The following PDE1C variants were observed in gnomAD, a reference collection of about 807,000 sequenced individuals.
PDE1C encodes dual specificity calcium/calmodulin-dependent 3',5'-cyclic nucleotide phosphodiesterase 1C.
A neutral mutation model predicts 93.1 loss-of-function variants in PDE1C; 62 were observed. The ratio of observed to expected loss-of-function variants is 0.67; its 90% confidence interval spans 0.54 to 0.82. The LOEUF (loss-of-function observed/expected upper bound fraction) is 0.82, where lower values mean the gene tolerates loss of function less well. PDE1C is among the 40% of genes least tolerant of loss of function. The probability of loss-of-function intolerance (pLI) is 0.00; values close to 1 mark genes in which losing one functional copy is unlikely to be tolerated. For synonymous variants in PDE1C, 325 were observed against 310.1 expected, an observed-to-expected ratio of 1.05 and a Z score of -0.50; for missense variants, 742 against 884.6, an observed-to-expected ratio of 0.84 and a Z score of 2.04.
chr7:31,840,195 C>T (rs986061084), intron 9 of PDE1C, among the ~76,000 whole-genome samples: 8 of 152,090 alleles, frequency 5.3e-5, no homozygotes, highest in African/African-American at 1.4e-4. Flanking sequence ...GTTATCTCAT[C>T]TTGGTTTTAA....
At chr7:32,185,357 G>A (rs1329273972) in intron 2 of PDE1C, among the ~76,000 whole-genome samples, 1 of 151,548 alleles carries the variant, frequency 6.6e-6, no homozygotes, top group Non-Finnish European at 1.5e-5. Flanking sequence ...CAGATTTGCA[G>A]TGCCAGTAAT....
intron 3 of PDE1C, among the ~76,000 whole-genome samples, chr7:32,113,137 G>A (rs1186446396): frequency 6.8e-6 from 1 of 147,858 alleles, no homozygotes; most frequent in Non-Finnish European, 1.5e-5. Flanking sequence ...GAAATGGGTT[G>A]ACTAAGATGC....
chr7:32,168,996 G>A (rs1359168615), intron 3 of PDE1C, among the ~76,000 whole-genome samples: 1 of 152,150 alleles, frequency 6.6e-6, no homozygotes, highest in Admixed American at 6.6e-5. Context: ...AAAGAAAAGT[G>A]GAAGAAGTAA....
chr7:31,620,723 G>A, the PDE1C span, among the ~76,000 whole-genome samples: 63 of 152,208 alleles, frequency 4.1e-4, no homozygotes, highest in Non-Finnish European at 6.5e-4. Context: ...CCAAAGGAAC[G>A]CAGTTCCTCA....
chr7:32,362,832 G>A (rs1373368318), intron 1 of PDE1C, among the ~76,000 whole-genome samples: 2 of 152,218 alleles, frequency 1.3e-5, no homozygotes, highest in Admixed American at 1.3e-4. Flanking sequence ...CTCCAAAGGT[G>A]AAAGATGAAC....
chr7:32,323,454 C>T (rs970828962), intron 1 of PDE1C, among the ~76,000 whole-genome samples: 7 of 152,158 alleles, frequency 4.6e-5, no homozygotes, highest in African/African-American at 1.7e-4. Flanking sequence ...GAATCAGAAA[C>T]TGAAGGAGCC....
intron 1 of PDE1C, among the ~76,000 whole-genome samples, chr7:32,306,251 G>A (rs570120780): frequency 6.6e-6 from 1 of 151,952 alleles, no homozygotes; most frequent in Non-Finnish European, 1.5e-5. Flanking sequence ...CATGAAAACG[G>A]GCTAATACCG....
chr7:32,294,413 G>A (rs1812513456), intron 1 of PDE1C, among the ~76,000 whole-genome samples: 3 of 152,142 alleles, frequency 2.0e-5, no homozygotes, highest in Admixed American at 2.0e-4. Context: ...ACATCCCTCT[G>A]AGTCTCTGGT....
intron 2 of PDE1C, among the ~76,000 whole-genome samples, chr7:31,957,434 T>A (rs1234227476): frequency 3.3e-5 from 5 of 152,068 alleles, no homozygotes; most frequent in Non-Finnish European, 7.3e-5. Flanking sequence ...GGATTATCTA[T>A]CACCTGTAGA....
At chr7:31,923,594 T>A (rs1238378110) in intron 2 of PDE1C, among the ~76,000 whole-genome samples, 1 of 152,090 alleles carries the variant, frequency 6.6e-6, no homozygotes, top group African/African-American at 2.4e-5. Context: ...ATTGGAAATA[T>A]TTTTTGTCAA....
At chr7:32,276,523 TG>T (rs1811300211) in intron 1 of PDE1C, among the ~76,000 whole-genome samples, 1 of 151,852 alleles carries the variant, frequency 6.6e-6, no homozygotes. Flanking sequence ...GATCTAGGAG[TG>T]GGGCTGGGTG....
chr7:32,009,799 C>A (rs560215164), intron 2 of PDE1C, among the ~76,000 whole-genome samples: 5 of 152,190 alleles, frequency 3.3e-5, no homozygotes, highest in African/African-American at 9.6e-5. Flanking sequence ...ATGGAATCTG[C>A]CAAAAAGCTA....
At chr7:31,972,603 CT>C (rs1251999884) in intron 2 of PDE1C, among the ~76,000 whole-genome samples, 1 of 152,152 alleles carries the variant, frequency 6.6e-6, no homozygotes, top group African/African-American at 2.4e-5. Context: ...GGCATAGACT[CT>C]TTTCCCTGCT....
At chr7:32,239,713 AT>A (rs1808401017) in intron 1 of PDE1C, among the ~76,000 whole-genome samples, 1 of 152,216 alleles carries the variant, frequency 6.6e-6, no homozygotes, top group South Asian at 2.1e-4. Context: ...AGGGAGAGAA[AT>A]GAGACCAGAA....
intron 1 of PDE1C, among the ~76,000 whole-genome samples, chr7:32,060,549 GA>G (rs1172717856): frequency 2.0e-5 from 3 of 152,108 alleles, no homozygotes; most frequent in East Asian, 1.9e-4. Context: ...AAAATACAGG[GA>G]AAAAAAGCGC....
intron 2 of PDE1C, among the ~76,000 whole-genome samples, chr7:32,049,245 C>G (rs1241307625): frequency 6.6e-6 from 1 of 152,122 alleles, no homozygotes; most frequent in Non-Finnish European, 1.5e-5. Flanking sequence ...TACAAGCTCT[C>G]ACTATATTTA....
At chr7:32,079,323 A>C (rs1203897609) in intron 3 of PDE1C, among the ~76,000 whole-genome samples, 1 of 152,236 alleles carries the variant, frequency 6.6e-6, no homozygotes, top group East Asian at 1.9e-4. Context: ...ATTATAAAAC[A>C]ACAGATGCAT....
chr7:32,233,917 C>T (rs1313150048), intron 1 of PDE1C, among the ~76,000 whole-genome samples: 4 of 151,904 alleles, frequency 2.6e-5, no homozygotes, highest in Non-Finnish European at 4.4e-5. Flanking sequence ...CAAAGCCTAC[C>T]AAACTTAAAA....
chr7:31,779,807 C>T (rs1205525143), intron 16 of PDE1C, among the ~76,000 whole-genome samples: 2 of 152,208 alleles, frequency 1.3e-5, no homozygotes, highest in East Asian at 3.9e-4. Flanking sequence ...TTACCTATCA[C>T]TTTACTCAAA....
Sources: allele counts gnomAD v4.1 joint callset (sites outside exome capture counted in the v4.1 genomes callset), GRCh38; gene constraint gnomAD v4.1.1; transcripts MANE v1.5; gene names NCBI Gene and HGNC (gene_info 2026-07-23, HGNC 2026-07-21).